Variants in ENOX1 observed in about 807,000 individuals in gnomAD.
ENOX1 encodes the protein candidate growth-related and time keeping constitutive hydroquinone (NADH) oxidase.
A neutral mutation model predicts 82.5 loss-of-function variants in ENOX1; 42 were observed. The observed-to-expected ratio is 0.51, with a 90% CI of 0.40 to 0.66. ENOX1 has a LOEUF of 0.66. ENOX1 is among the 30% of genes least tolerant of loss of function. ENOX1 has a pLI of 0.00. For missense variants in ENOX1, 608 were observed against 811.6 expected (o/e 0.75, Z 3.05); for synonymous variants, 271 against 282.2 (o/e 0.96, Z 0.40).
chr13:43,215,043 C>T (rs1339280867), intron 16 of ENOX1, among the ~76,000 whole-genome samples: 1 of 152,198 alleles, frequency 6.6e-6, no homozygotes, highest in Non-Finnish European at 1.5e-5. Flanking sequence ...ATGAAAATTA[C>T]TGGCTTACCA....
At chr13:43,780,043 C>A (rs531229284) in intron 1 of ENOX1, among the ~76,000 whole-genome samples, 1 of 152,052 alleles carries the variant, frequency 6.6e-6, no homozygotes, top group Admixed American at 6.5e-5. Flanking sequence ...CACCTGTAGT[C>A]CCAGCTACTC....
intron 14 of ENOX1, among the ~76,000 whole-genome samples, chr13:43,248,016 C>A (rs1161410418): frequency 2.8e-5 from 4 of 144,982 alleles, no homozygotes; most frequent in Admixed American, 1.4e-4. Context: ...CTCCCAAGTA[C>A]CTGGGACTAC....
chr13:43,370,900 CT>C (rs943046153), intron 5 of ENOX1, among the ~76,000 whole-genome samples: 94 of 103,318 alleles, frequency 9.1e-4, no homozygotes, highest in African/African-American at 2.4e-3. Flanking sequence ...TATATCCCCC[CT>C]GTCCCCACCC....
chr13:43,327,106 C>T (rs1198411764), intron 9 of ENOX1, among the ~76,000 whole-genome samples: 1 of 152,116 alleles, frequency 6.6e-6, no homozygotes, highest in East Asian at 1.9e-4. Context: ...TTTTTCCTCC[C>T]CCTGTTGCAC....
rs369819184 is a variant in ENOX1 at position 43,412,019 on chromosome 13, C to T, written c.105G>A (p.Thr35=). ...ADGLGSIAID[T]TQLNMSVTDP... Reference sequence around the variant, plus strand: ...CTGTCACGGACATGTTGAGCTGGGTCGTGTCTATCGCTATACTCCCCAAAC... The same window carrying T: ...CTGTCACGGACATGTTGAGCTGGGTTGTGTCTATCGCTATACTCCCCAAAC... The change falls in exon 5 of 17, where the codon ACG becomes ACA. Residue 35 remains threonine (T), a synonymous_variant. Coordinates refer to ENST00000690772, the MANE Select transcript of ENOX1 (RefSeq NM_001347969.2). The T allele has an allele frequency of 3.0e-5, 49 of 1,613,982 alleles. No homozygotes were observed. The highest frequency in any genetic ancestry group is 3.8e-5 in the Non-Finnish European group (45 of 1,180,020).
intron 1 of ENOX1, among the ~76,000 whole-genome samples, chr13:43,681,007 G>T (rs965181992): frequency 1.3e-5 from 2 of 152,058 alleles, no homozygotes; most frequent in South Asian, 4.1e-4. Context: ...CAAACAGGAG[G>T]TGCATTTCTG....
At chr13:43,309,930 G>A (rs890236365) in intron 11 of ENOX1, among the ~76,000 whole-genome samples, 9 of 152,096 alleles carry the variant, frequency 5.9e-5, no homozygotes, top group African/African-American at 1.9e-4. Context: ...GCAACTGGGC[G>A]TGGTGGCTCA....
At chr13:43,728,918 TCTGA>T (rs1256953104) in intron 1 of ENOX1, among the ~76,000 whole-genome samples, 1 of 152,222 alleles carries the variant, frequency 6.6e-6, no homozygotes. Flanking sequence ...TCATTAAGAA[TCTGA>T]CTGACTGGGA....
At chr13:43,322,626 C>T in intron 10 of ENOX1, 125 bp from the exon 11 acceptor site, 2 of 750,282 alleles carry the variant, frequency 2.7e-6, no homozygotes, top group East Asian at 2.6e-5. Flanking sequence ...CCAAATATAG[C>T]CTCACCTAAC....
In ENOX1 at chr13:43,755,907, G is replaced by C. The variant is rs74575532; in HGVS notation, c.-285+30745C>G. On this transcript the variant is annotated intron_variant, in intron 1 of 16. Transcript: ENST00000690772. ...CTGAACTATCTCCAGCCAGCCCATG[G>C]TTCATTACCAAGATGAGCAGAATTA... Among the ~76,000 whole-genome samples the C allele has an allele frequency of 3.3e-5, 5 of 152,256 alleles. No individual in the cohort carries two copies. The East Asian group carries it at 9.6e-4, about 29-fold the overall frequency.
intron 2 of ENOX1, among the ~76,000 whole-genome samples, chr13:43,593,440 C>T (rs1409476818): frequency 6.6e-6 from 1 of 151,322 alleles, no homozygotes; most frequent in Non-Finnish European, 1.5e-5. Flanking sequence ...GCTTTGTTTT[C>T]TTGGTTATTC....
intron 3 of ENOX1, chr13:43,458,986 A>C (rs1237442850): frequency 1.3e-5 from 2 of 152,122 alleles, no homozygotes; most frequent in East Asian, 1.9e-4. Context: ...GCGACTTCCC[A>C]CTCTAACATA....
At chr13:43,229,292 T>G (rs771111476) in intron 15 of ENOX1, among the ~76,000 whole-genome samples, 1 of 152,198 alleles carries the variant, frequency 6.6e-6, no homozygotes, top group Non-Finnish European at 1.5e-5. Context: ...AGCATGGGAA[T>G]GGACTAATAC....
chr13:43,506,807 A>G (rs1386808711), intron 2 of ENOX1, among the ~76,000 whole-genome samples: 1 of 148,004 alleles, frequency 6.8e-6, no homozygotes, highest in Non-Finnish European at 1.5e-5. Context: ...GGACACAGGA[A>G]GGGGAACATC....
intron 3 of ENOX1, among the ~76,000 whole-genome samples, chr13:43,445,574 G>A (rs1160934874): frequency 4.6e-5 from 7 of 152,114 alleles, no homozygotes; most frequent in Admixed American, 3.9e-4. Flanking sequence ...TCTGAATGGC[G>A]ATTGAAGGGC....
chr13:43,456,005 T>C (rs1334601257), intron 3 of ENOX1, among the ~76,000 whole-genome samples: 1 of 152,208 alleles, frequency 6.6e-6, no homozygotes, highest in African/African-American at 2.4e-5. Context: ...GTTTGGACTA[T>C]CTACTTTCTA....
chr13:43,346,946 T>C (rs1267189935), intron 8 of ENOX1, among the ~76,000 whole-genome samples: 5 of 152,210 alleles, frequency 3.3e-5, no homozygotes, highest in Non-Finnish European at 5.9e-5. Flanking sequence ...TCCCCTTTGC[T>C]GTGAGTTTCA....
intron 2 of ENOX1, among the ~76,000 whole-genome samples, chr13:43,576,307 G>A (rs950026882): frequency 1.3e-5 from 2 of 152,184 alleles, no homozygotes; most frequent in Admixed American, 1.3e-4. Flanking sequence ...CAATCCACTT[G>A]CCGCTATTTT....
intron 5 of ENOX1, among the ~76,000 whole-genome samples, chr13:43,368,036 G>A (rs909090733): frequency 6.6e-6 from 1 of 152,204 alleles, no homozygotes; most frequent in East Asian, 1.9e-4. Flanking sequence ...CACAGATTAT[G>A]TTAACATAAC....
Sources: gnomAD v4.1 joint callset for allele counts (sites outside exome capture counted in the v4.1 genomes callset) on GRCh38, gnomAD v4.1.1 for gene constraint, MANE v1.5 for transcripts, NCBI Gene and HGNC (gene_info 2026-07-23, HGNC 2026-07-21) for gene names.